ARID3B: variants seen among roughly 807,000 people sequenced by gnomAD.
The protein encoded by ARID3B is AT-rich interactive domain-containing protein 3B.
Under a neutral mutation model 51.9 loss-of-function variants are expected in ARID3B, and 10 were observed. The ratio of observed to expected loss-of-function variants is 0.19; its 90% CI spans 0.12 to 0.33. ARID3B has a LOEUF of 0.33. ARID3B is among the 10% of genes least tolerant of loss of function. The pLI is 1.00. For synonymous variants in ARID3B, 205 were observed against 279.5 expected (o/e 0.73, Z 2.66); for missense variants, 483 against 716.3 (o/e 0.67, Z 3.72).
intron 2 of ARID3B, among the ~76,000 whole-genome samples, chr15:74,570,462 CAAAAA>C (rs71137395): frequency 1.3e-3 from 83 of 64,574 alleles, no homozygotes; most frequent in Non-Finnish European, 2.3e-3. Flanking sequence ...CTATAATTAG[CAAAAA>C]AAAAAAAAAA....
intron 2 of ARID3B, among the ~76,000 whole-genome samples, chr15:74,570,719 A>G (rs895207772): frequency 1.4e-4 from 21 of 152,302 alleles, no homozygotes; most frequent in African/African-American, 4.8e-4. Flanking sequence ...ATCACTGGGC[A>G]TTAGGGCAAC....
chr15:74,564,501 G>GCCAC, intron 2 of ARID3B, among the ~76,000 whole-genome samples: 1 of 152,314 alleles, frequency 6.6e-6, no homozygotes, highest in African/African-American at 2.4e-5. Flanking sequence ...AACAACAACA[G>GCCAC]CCACAGTCAG....
At chr15:74,548,537 C>A (rs1262400600) in intron 2 of ARID3B, among the ~76,000 whole-genome samples, 1 of 152,198 alleles carries the variant, frequency 6.6e-6, no homozygotes, top group African/African-American at 2.4e-5. Context: ...TACCCTTCCC[C>A]TTCTAGCATG....
chr15:74,568,853 T>C (rs1376772863), intron 2 of ARID3B, among the ~76,000 whole-genome samples: 1 of 152,218 alleles, frequency 6.6e-6, no homozygotes, highest in Non-Finnish European at 1.5e-5. Flanking sequence ...ATAATACTGC[T>C]GCCTGCTGCT....
intron 2 of ARID3B, among the ~76,000 whole-genome samples, chr15:74,557,049 A>G (rs144676295): frequency 0.023 from 3,571 of 152,098 alleles, 143 homozygotes; most frequent in African/African-American, 0.082. Context: ...TGCTAGGATT[A>G]CAGACGTGAG....
chr15:74,584,402 T>G (rs1249193427), intron 4 of ARID3B, among the ~76,000 whole-genome samples: 1 of 152,190 alleles, frequency 6.6e-6, no homozygotes, highest in Non-Finnish European at 1.5e-5. Context: ...TCAGCTCTCT[T>G]GACAGTCAGG....
At chr15:74,549,899 G>T (rs1026384603) in intron 2 of ARID3B, among the ~76,000 whole-genome samples, 1 of 152,166 alleles carries the variant, frequency 6.6e-6, no homozygotes, top group Non-Finnish European at 1.5e-5. Flanking sequence ...ATCCTATAAC[G>T]CACTGGACAG....
At chr15:74,554,359 G>A (rs1321384466) in intron 2 of ARID3B, among the ~76,000 whole-genome samples, 2 of 151,824 alleles carry the variant, frequency 1.3e-5, no homozygotes, top group African/African-American at 4.8e-5. Context: ...CTGGAGTGCA[G>A]TGGCATGATT....
intron 1 of ARID3B, among the ~76,000 whole-genome samples, chr15:74,542,354 G>A (rs1248059350): frequency 6.6e-6 from 1 of 152,156 alleles, no homozygotes; most frequent in Non-Finnish European, 1.5e-5. Context: ...TGCTGCAAGC[G>A]TAACTCACAC....
At chr15:74,593,964 G>A (rs933179360) in intron 8 of ARID3B, among the ~76,000 whole-genome samples, 3 of 151,572 alleles carry the variant, frequency 2.0e-5, no homozygotes, top group Non-Finnish European at 4.4e-5. Flanking sequence ...GATCACTTGA[G>A]CCCAGGAGGT....
Position 74,597,549 on chromosome 15 carries a change from T to A in ARID3B, c.*1775T>A. 1 of 535,826 alleles carries A rather than the reference T, an allele frequency of 1.9e-6. No individual in the cohort carries two copies. Among genetic ancestry groups the A allele is most frequent in the Non-Finnish European group, 3.6e-6 (1 of 276,766 alleles). The allele number at this position is 535,826 out of a possible 1,614,324, so 33.2% of individuals were successfully genotyped here. On this transcript the variant is annotated 3_prime_UTR_variant, in exon 9 of 9. Transcript: ENST00000346246. Reference sequence around the variant, plus strand: ...CACACATACCCCATCTCCCGAGGGCTGACCTCCTCTGGCCTCAGCCTGCAG... The same window carrying A: ...CACACATACCCCATCTCCCGAGGGCAGACCTCCTCTGGCCTCAGCCTGCAG...
At chr15:74,570,917 T>TA (rs536145913) in intron 2 of ARID3B, among the ~76,000 whole-genome samples, 103 of 152,348 alleles carry the variant, frequency 6.8e-4, no homozygotes, top group African/African-American at 2.4e-3. Context: ...CCCACTTGGC[T>TA]ATTGGCTCCC....
chr15:74,557,134 G>A (rs1433677801), intron 2 of ARID3B, among the ~76,000 whole-genome samples: 1 of 151,824 alleles, frequency 6.6e-6, no homozygotes, highest in Non-Finnish European at 1.5e-5. Context: ...AAAAGTCTTG[G>A]CCAGGCATGA....
intron 4 of ARID3B, among the ~76,000 whole-genome samples, chr15:74,579,868 T>TGCGC (rs1383012516): frequency 4.8e-5 from 6 of 125,096 alleles, no homozygotes; most frequent in African/African-American, 1.1e-4. Context: ...TGTGTGTGTG[T>TGCGC]GTGTGCGCGC....
chr15:74,582,634 T>C (rs1596262240), intron 4 of ARID3B, among the ~76,000 whole-genome samples: 1 of 152,128 alleles, frequency 6.6e-6, no homozygotes, highest in African/African-American at 2.4e-5. Flanking sequence ...GCTGGGAGTG[T>C]AAAGGGATAC....
chr15:74,592,490 C>A (rs2061807392), intron 7 of ARID3B, among the ~76,000 whole-genome samples: 1 of 152,214 alleles, frequency 6.6e-6, no homozygotes, highest in South Asian at 2.1e-4. Context: ...CCCTCCTACC[C>A]CATTGCCCTT....
intron 4 of ARID3B, among the ~76,000 whole-genome samples, chr15:74,585,807 A>G (rs1390017139): frequency 6.6e-6 from 1 of 152,252 alleles, no homozygotes; most frequent in Non-Finnish European, 1.5e-5. Flanking sequence ...TCCATTAAGC[A>G]CAAAGCAAAC....
intron 5 of ARID3B, 90 bp downstream of exon 5, chr15:74,590,093 T>C: frequency 2.2e-6 from 3 of 1,391,124 alleles, no homozygotes; most frequent in Middle Eastern, 4.2e-4. Context: ...AATTCCTTTG[T>C]ATGGTTAGCA....
Position 74,597,366 on chromosome 15 carries a change from G to A in ARID3B, c.*1592G>A. On this transcript the variant is annotated 3_prime_UTR_variant, in exon 9 of 9. Transcript: ENST00000346246. ...GCGTGGCGTGGGTGTGTGTGGCAGC[G>A]TGGCTCGCATTCAGTCCTGTGTAGG... 3 of 430,810 alleles carry A rather than the reference G, an allele frequency of 7.0e-6. No individual in the cohort carries two copies. Among genetic ancestry groups the A allele is most frequent in the Non-Finnish European group, 1.3e-5 (3 of 227,796 alleles). The allele number at this position is 430,810 out of a possible 1,614,324, so 26.7% of individuals were successfully genotyped here.
Sources: gnomAD v4.1 joint callset for allele counts (sites outside exome capture counted in the v4.1 genomes callset) on GRCh38, gnomAD v4.1.1 for gene constraint, MANE v1.5 for transcripts, NCBI Gene and HGNC (gene_info 2026-07-23, HGNC 2026-07-21) for gene names.